MON2: variants seen among roughly 807,000 people sequenced by gnomAD.
MON2 encodes MON2 regulator of endosome-to-Golgi trafficking.
In MON2, 84 loss-of-function variants were observed where a neutral mutation model predicts 208.6. The ratio of observed to expected loss-of-function variants is 0.40; its 90% CI spans 0.34 to 0.48. MON2 has a LOEUF of 0.48. Ranked by LOEUF, MON2 falls within the 20% of genes least tolerant of loss-of-function variation. The probability of loss-of-function intolerance (pLI) is 0.59; values close to 1 mark genes in which losing one functional copy is unlikely to be tolerated. For missense variants in MON2, 1,611 were observed against 2,015.4 expected (o/e 0.80, Z 3.84); for synonymous variants, 660 against 694.0 (o/e 0.95, Z 0.77).
intron 19 of MON2, among the ~76,000 whole-genome samples, 175 bp downstream of exon 19, chr12:62,538,680 T>C (rs966711990): frequency 6.6e-6 from 1 of 152,160 alleles, no homozygotes; most frequent in Non-Finnish European, 1.5e-5. Context: ...AGGACATGAT[T>C]TGGCTTGTGA....
rs1180236114 is a variant in MON2 at position 62,493,978 on chromosome 12, C to T, written c.239C>T (p.Pro80Leu). The change falls in exon 3 of 35, where the codon CCG becomes CTG. Residue 80 changes from proline (P) to leucine (L), a missense_variant. By Grantham distance (98) the Pro-to-Leu change is moderately conservative. Transcript: ENST00000393630. ...PFLMGCGTKE[P>L]KITQLCLAAI... is the part of the protein sequence containing the mutation. ...TTAATGGGTTGTGGAACCAAGGAAC[C>T]GAAGATCACTCAGCTATGTTTGGCT... 4.3e-6 allele frequency: 7 copies of T among 1,612,692 alleles called. No homozygotes were observed. The highest frequency in any genetic ancestry group is 2.2e-5 in the South Asian group (2 of 91,000).
At chr12:62,501,904 A>G (rs1171028925) in intron 7 of MON2, among the ~76,000 whole-genome samples, 1 of 151,976 alleles carries the variant, frequency 6.6e-6, no homozygotes, top group African/African-American at 2.4e-5. Context: ...TAGGCAACAT[A>G]GTGAGACACC....
intron 31 of MON2, among the ~76,000 whole-genome samples, chr12:62,579,302 A>G (rs1389469179): frequency 6.6e-6 from 1 of 152,112 alleles, no homozygotes; most frequent in Non-Finnish European, 1.5e-5. Context: ...TGAGGATTAT[A>G]AATGGAATTT....
Position 62,493,992 on chromosome 12 carries a change from C to T in MON2, c.253C>T (p.Leu85=). The change falls in exon 3 of 35, where the codon CTA becomes TTA. Residue 85 remains leucine, a synonymous_variant. Coordinates refer to ENST00000393630, the MANE Select transcript of MON2 (RefSeq NM_015026.3). The stretch of plus-strand genomic sequence containing the variant: ...AACCAAGGAACCGAAGATCACTCAG[C>T]TATGTTTGGCTGCTATTCAGAGACT... ...CGTKEPKITQ[L]CLAAIQRLMS... is the part of the protein sequence containing the mutation. 6.2e-7 allele frequency: 1 copy of T among 1,613,118 alleles called. No homozygotes were observed. Among genetic ancestry groups the T allele is most frequent in the Non-Finnish European group, 8.5e-7 (1 of 1,179,356 alleles).
At chr12:62,526,251 G>T (rs2072323921) in intron 11 of MON2, 149 bp downstream of exon 11, 1 of 736,268 alleles carries the variant, frequency 1.4e-6, no homozygotes, top group Non-Finnish European at 2.2e-6. Context: ...TTTGAAAATT[G>T]TATCTAGGAC....
intron 8 of MON2, 74 bp downstream of exon 8, chr12:62,508,554 A>C (rs1010899454): frequency 6.5e-6 from 9 of 1,376,244 alleles, no homozygotes; most frequent in Non-Finnish European, 9.3e-6. Context: ...GGTCTGTTGT[A>C]GCGCATTTAG....
intron 11 of MON2, among the ~76,000 whole-genome samples, chr12:62,527,080 C>G (rs10877868): frequency 0.35 from 53,857 of 151,934 alleles, 9,681 homozygotes; most frequent in African/African-American, 0.37. Context: ...GAGCTGAGAT[C>G]ATGTCACTGC....
chr12:62,528,492 A>G (rs1388750822), intron 11 of MON2, among the ~76,000 whole-genome samples: 1 of 152,186 alleles, frequency 6.6e-6, no homozygotes, highest in African/African-American at 2.4e-5. Context: ...TTTTATCTCA[A>G]AGTGGAATTT....
chr12:62,509,126 T>C (rs572323357), intron 8 of MON2: 1 of 151,200 alleles, frequency 6.6e-6, no homozygotes, highest in East Asian at 1.9e-4. Flanking sequence ...CTTTTTTTTT[T>C]TTTTTTGAGA....
At chr12:62,479,079 A>T (rs569862181) in intron 1 of MON2, among the ~76,000 whole-genome samples, 1 of 152,302 alleles carries the variant, frequency 6.6e-6, no homozygotes, top group East Asian at 1.9e-4. Context: ...TATTTTCAAC[A>T]TGTCGAATTT....
chr12:62,537,840 G>A, intron 16 of MON2, 134 bp downstream of exon 16: 1 of 754,372 alleles, frequency 1.3e-6, no homozygotes, highest in Non-Finnish European at 2.1e-6. Flanking sequence ...AGAGAAGTTA[G>A]AAAGGGAAAA....
intron 1 of MON2, among the ~76,000 whole-genome samples, chr12:62,475,810 G>A (rs986492081): frequency 5.3e-5 from 8 of 150,632 alleles, no homozygotes; most frequent in East Asian, 4.1e-4. Flanking sequence ...AGGAGTTCAC[G>A]ACCAGCCTGG....
chr12:62,563,692 A>G (rs960735193), intron 26 of MON2, among the ~76,000 whole-genome samples: 4 of 152,150 alleles, frequency 2.6e-5, no homozygotes, highest in African/African-American at 9.6e-5. Flanking sequence ...ATTGCTCTAT[A>G]TATCAACTAT....
At position 62,594,105 on chromosome 12, in the gene MON2, A is replaced by C. The variant is rs2075470835; in HGVS notation, c.*1356A>C. 6.6e-6 allele frequency: 1 copy of C among 152,146 alleles called. No homozygotes were observed. Among genetic ancestry groups the C allele is most frequent in the East Asian group, 1.9e-4 (1 of 5,200 alleles). The allele number at this position is 152,146 out of a possible 1,614,324, so 9.4% of individuals were successfully genotyped here. Reference sequence around the variant, plus strand: ...TATTTTTCTTCTGAGTTAAATTTTCATAATTTATGTGAAGACACAAAGATG... The same window carrying C: ...TATTTTTCTTCTGAGTTAAATTTTCCTAATTTATGTGAAGACACAAAGATG... On this transcript the variant is annotated 3_prime_UTR_variant, in exon 35 of 35. Coordinates refer to ENST00000393630, the MANE Select transcript of MON2 (RefSeq NM_015026.3).
At chr12:62,496,822 AC>A (rs1394809284) in intron 4 of MON2, among the ~76,000 whole-genome samples, 1 of 151,796 alleles carries the variant, frequency 6.6e-6, no homozygotes, top group Non-Finnish European at 1.5e-5. Flanking sequence ...TACCCAAAGG[AC>A]TATAAATCAT....
Position 62,533,378 on chromosome 12 carries a change from A to G in MON2, c.1633+708A>G, listed in dbSNP as rs376787094. ...AAAATACTTTCAGATTGCTACTACA[A>G]AAGAGTGCTTTCCCTTCTGCATTTT... On this transcript the variant is annotated intron_variant, in intron 12 of 34. Transcript: ENST00000393630. Among the ~76,000 whole-genome samples, 271 of 152,276 alleles carry G rather than the reference A, an allele frequency of 1.8e-3. 2 individuals are homozygous for G. Among genetic ancestry groups the G allele is most frequent in the South Asian group, 9.5e-3 (46 of 4,832 alleles).
At position 62,508,289 on chromosome 12, in the gene MON2, C is replaced by T; in HGVS notation, c.793C>T (p.Gln265Ter). ...NDFPQVFLQH[Q>*]EFSFLLKERV... is the part of the protein sequence containing the mutation. ...TTTCTTTTTTCCTTGCAAATAGCAC[C>T]AAGAATTTAGTTTCCTCCTCAAAGA... The change falls in exon 8 of 35, where the codon CAA (glutamine) becomes TAA (stop). Residue 265 changes from glutamine (Q) to a stop codon, truncating the protein, a stop_gained. Transcript: ENST00000393630. LOFTEE classifies it high-confidence loss of function. 2.5e-6 allele frequency: 4 copies of T among 1,606,574 alleles called. No individual in the cohort carries two copies. The highest frequency in any genetic ancestry group is 3.4e-6 in the Non-Finnish European group (4 of 1,176,262).
chr12:62,498,644 G>A (rs191713455), intron 4 of MON2, among the ~76,000 whole-genome samples: 7 of 152,248 alleles, frequency 4.6e-5, no homozygotes, highest in Non-Finnish European at 7.4e-5. Context: ...TGCAAAGCAC[G>A]TCATTCTGGG....
chr12:62,504,786 T>G (rs2071019640), intron 7 of MON2, among the ~76,000 whole-genome samples: 1 of 152,232 alleles, frequency 6.6e-6, no homozygotes, highest in African/African-American at 2.4e-5. Flanking sequence ...ATCTTTGCCC[T>G]GTGGCACTTA....
Sources: gnomAD v4.1 joint callset for allele counts (sites outside exome capture counted in the v4.1 genomes callset) on GRCh38, gnomAD v4.1.1 for gene constraint, MANE v1.5 for transcripts, NCBI Gene and HGNC (gene_info 2026-07-23, HGNC 2026-07-21) for gene names.